The following ACYP2 variants were observed in gnomAD, a reference collection of about 807,000 sequenced individuals.
The protein encoded by ACYP2 is acylphosphatase-2.
Under a neutral mutation model 11.2 loss-of-function variants are expected in ACYP2, and 12 were observed. That is an observed-to-expected ratio of 1.08 (90% CI 0.69 to 1.74). The LOEUF (loss-of-function observed/expected upper bound fraction) is 1.74. Ranked by LOEUF, ACYP2 falls within the 40% of genes most tolerant of loss-of-function variation. The pLI, the probability that ACYP2 is intolerant of heterozygous loss-of-function variation, is 0.00. For synonymous variants in ACYP2, 43 were observed against 32.2 expected (o/e 1.33, Z -1.13); for missense variants, 134 against 101.9 (o/e 1.31, Z -1.35).
At chr2:54,023,234 C>G (rs1266664335) in intron 2 of ACYP2, among the ~76,000 whole-genome samples, 3 of 151,924 alleles carry the variant, frequency 2.0e-5, no homozygotes, top group Admixed American at 1.3e-4. Flanking sequence ...TGGGTTGTGA[C>G]CATATATTTT....
At chr2:54,190,078 G>A (rs575613478) in intron 6 of ACYP2, among the ~76,000 whole-genome samples, 196 of 152,232 alleles carry the variant, frequency 1.3e-3, no homozygotes, top group Non-Finnish European at 1.9e-3. Flanking sequence ...CTATTGAGTT[G>A]TATGAGTTCT....
intron 4 of ACYP2, among the ~76,000 whole-genome samples, chr2:54,070,813 T>C (rs1420322048): frequency 6.6e-6 from 1 of 151,654 alleles, no homozygotes; most frequent in East Asian, 1.9e-4. Context: ...TATGGCTCAC[T>C]GCAGTCTCCA....
At chr2:54,076,674 A>G (rs565005196) in intron 4 of ACYP2, among the ~76,000 whole-genome samples, 2 of 152,358 alleles carry the variant, frequency 1.3e-5, no homozygotes, top group East Asian at 3.9e-4. Context: ...GTTTTGGAGA[A>G]GGAATTTTGA....
At chr2:54,005,384 G>C (rs554719341) in intron 2 of ACYP2, among the ~76,000 whole-genome samples, 18 of 149,126 alleles carry the variant, frequency 1.2e-4, no homozygotes, top group Admixed American at 3.3e-4. Flanking sequence ...CTGTTTCCCA[G>C]GCTGGAGTGT....
chr2:54,056,825 T>C (rs1206784225), intron 3 of ACYP2, among the ~76,000 whole-genome samples: 1 of 152,188 alleles, frequency 6.6e-6, no homozygotes, highest in Non-Finnish European at 1.5e-5. Context: ...AAGAATATAA[T>C]GAATTTTCTG....
At chr2:54,286,921 G>A (rs1005271055) in intron 6 of ACYP2, among the ~76,000 whole-genome samples, 1 of 152,056 alleles carries the variant, frequency 6.6e-6, no homozygotes, top group African/African-American at 2.4e-5. Context: ...ATGGTAAAAA[G>A]CTCCGTAAGT....
At chr2:54,145,076 A>C (rs772779086) in intron 6 of ACYP2, among the ~76,000 whole-genome samples, 3 of 151,876 alleles carry the variant, frequency 2.0e-5, no homozygotes, top group African/African-American at 4.8e-5. Context: ...ATAGTTTGTA[A>C]TTTCATTTTT....
At chr2:54,264,371 G>A (rs1479486946) in intron 6 of ACYP2, among the ~76,000 whole-genome samples, 1 of 152,108 alleles carries the variant, frequency 6.6e-6, no homozygotes, top group Non-Finnish European at 1.5e-5. Context: ...TCCTTTATTT[G>A]GCCCCGCCCA....
intron 6 of ACYP2, among the ~76,000 whole-genome samples, chr2:54,260,609 T>C (rs1320183042): frequency 6.6e-6 from 1 of 152,174 alleles, no homozygotes; most frequent in Non-Finnish European, 1.5e-5. Flanking sequence ...AATTGGAAGA[T>C]TCAGGGTACT....
intron 4 of ACYP2, among the ~76,000 whole-genome samples, chr2:54,119,611 T>G (rs1397609174): frequency 2.0e-5 from 3 of 152,200 alleles, no homozygotes; most frequent in Non-Finnish European, 2.9e-5. Context: ...GGAAAATGTT[T>G]TAACCCTCCT....
At chr2:54,018,004 C>T (rs1238488312) in intron 2 of ACYP2, among the ~76,000 whole-genome samples, 1 of 152,104 alleles carries the variant, frequency 6.6e-6, no homozygotes, top group Non-Finnish European at 1.5e-5. Flanking sequence ...CTGGCCAGTG[C>T]TCCTATTTGA....
chr2:54,243,179 C>G (rs1242513134), intron 6 of ACYP2, among the ~76,000 whole-genome samples: 1 of 152,042 alleles, frequency 6.6e-6, no homozygotes, highest in Non-Finnish European at 1.5e-5. Context: ...AGTACAATAA[C>G]GCGTTTAACA....
intron 2 of ACYP2, among the ~76,000 whole-genome samples, chr2:53,976,631 G>T (rs796678776): frequency 5.7e-4 from 72 of 125,542 alleles, no homozygotes; most frequent in African/African-American, 1.8e-3. Flanking sequence ...TGAAGATTTG[G>T]GAGGAAAAAA....
chr2:54,000,247 C>G (rs944181039), intron 2 of ACYP2, among the ~76,000 whole-genome samples: 3 of 152,086 alleles, frequency 2.0e-5, no homozygotes, highest in Admixed American at 2.0e-4. Context: ...ATTCCCCAGA[C>G]TCTTGTGTAG....
At chr2:53,992,386 T>C (rs1041661240) in intron 2 of ACYP2, among the ~76,000 whole-genome samples, 1 of 152,202 alleles carries the variant, frequency 6.6e-6, no homozygotes, top group African/African-American at 2.4e-5. Flanking sequence ...AAAAGATCTC[T>C]CCTGACTCTG....
chr2:54,112,353 C>G (rs1275703164), intron 4 of ACYP2, among the ~76,000 whole-genome samples: 1 of 152,142 alleles, frequency 6.6e-6, no homozygotes, highest in Non-Finnish European at 1.5e-5. Flanking sequence ...CGTGAAGGAC[C>G]TGCATACATT....
chr2:54,040,881 G>A (rs543844396), intron 2 of ACYP2, among the ~76,000 whole-genome samples: 34 of 152,132 alleles, frequency 2.2e-4, no homozygotes, highest in Non-Finnish European at 4.1e-4. Flanking sequence ...GGTAGTAGCT[G>A]AAAGAGGAAG....
chr2:54,158,487 T>C (rs914479844), intron 6 of ACYP2, among the ~76,000 whole-genome samples: 2 of 152,160 alleles, frequency 1.3e-5, no homozygotes, highest in Non-Finnish European at 2.9e-5. Context: ...ATGACAGGCA[T>C]GAGCCACTGC....
chr2:54,094,352 C>G (rs369283847), intron 4 of ACYP2, among the ~76,000 whole-genome samples: 1 of 151,836 alleles, frequency 6.6e-6, no homozygotes, highest in Non-Finnish European at 1.5e-5. Context: ...CTCAGCCTAC[C>G]AAATAGCTTG....
Sources: allele counts gnomAD v4.1 joint callset (sites outside exome capture counted in the v4.1 genomes callset), GRCh38; gene constraint gnomAD v4.1.1; transcripts MANE v1.5; gene names NCBI Gene and HGNC (gene_info 2026-07-23, HGNC 2026-07-21).